CYP2C19: variants seen among roughly 807,000 people sequenced by gnomAD.
The protein encoded by CYP2C19 is cytochrome P450 family 2 subfamily C member 19, also known as cytochrome P450 2C19.
In CYP2C19, 59 loss-of-function variants were observed where a neutral mutation model predicts 40.9. The ratio of observed to expected loss-of-function variants is 1.44; its 90% CI spans 1.17 to 1.79. The LOEUF (loss-of-function observed/expected upper bound fraction) is 1.79, where lower values mean the gene tolerates loss of function less well. CYP2C19 is among the 40% of genes most tolerant of loss of function. The probability of loss-of-function intolerance (pLI) is 0.00; values close to 1 mark genes in which losing one functional copy is unlikely to be tolerated. For missense variants in CYP2C19, 754 were observed against 596.9 expected, an observed-to-expected ratio of 1.26 and a Z score of -2.74; for synonymous variants, 253 against 208.7, an observed-to-expected ratio of 1.21 and a Z score of -1.83.
intron 5 of CYP2C19, among the ~76,000 whole-genome samples, chr10:94,796,194 T>C (rs1053310669): frequency 6.6e-6 from 1 of 152,170 alleles, no homozygotes; most frequent in African/African-American, 2.4e-5. Flanking sequence ...AAGGAAGGGA[T>C]CCAGTTTCAG....
In CYP2C19 at chr10:94,854,735, TG is replaced by T. The variant is rs1849706744; in HGVS notation, c.*1824del. Among the ~76,000 whole-genome samples the T allele has an allele frequency of 6.6e-6, 1 of 152,144 alleles. No individual in the cohort carries two copies. Among genetic ancestry groups the T allele is most frequent in the Non-Finnish European group, 1.5e-5 (1 of 68,036 alleles). On this transcript the variant is annotated 3_prime_UTR_variant, in exon 9 of 9. Transcript: ENST00000371321. ...AGGGTTAAATGTTTATTTACAATAT[TG>T]GGCTCATATCACACATCTTGTATTA...
intron 5 of CYP2C19, among the ~76,000 whole-genome samples, chr10:94,786,052 T>G (rs911270072): frequency 6.6e-6 from 1 of 152,170 alleles, no homozygotes; most frequent in East Asian, 1.9e-4. Flanking sequence ...CTTCCCCCTC[T>G]TTGGATGTCT....
At chr10:94,794,042 C>T (rs1005452147) in intron 5 of CYP2C19, among the ~76,000 whole-genome samples, 1 of 152,154 alleles carries the variant, frequency 6.6e-6, no homozygotes, top group Admixed American at 6.5e-5. Flanking sequence ...TGTTAACCTA[C>T]TCAAGCCTCA....
chr10:94,826,460 G>C (rs959483701), intron 6 of CYP2C19, among the ~76,000 whole-genome samples: 1 of 152,136 alleles, frequency 6.6e-6, no homozygotes, highest in African/African-American at 2.4e-5. Context: ...CACTCTGTTT[G>C]TCTATTGTTG....
At chr10:94,802,117 C>A (rs575616160) in intron 5 of CYP2C19, among the ~76,000 whole-genome samples, 1 of 148,450 alleles carries the variant, frequency 6.7e-6, no homozygotes, top group Non-Finnish European at 1.5e-5. Context: ...TTTTACAGGG[C>A]ACTGATTGGT....
At chr10:94,805,015 AT>A (rs1430549515) in intron 5 of CYP2C19, among the ~76,000 whole-genome samples, 4 of 151,882 alleles carry the variant, frequency 2.6e-5, no homozygotes, top group Admixed American at 1.3e-4. Flanking sequence ...CATGATCTGA[AT>A]TTTTCCTTTC....
chr10:94,842,681 G>A lies in CYP2C19; in HGVS notation c.962-156G>A, dbSNP rs111777439. Among the ~76,000 whole-genome samples, 474 of 152,124 alleles carry A rather than the reference G, an allele frequency of 3.1e-3. 3 individuals are homozygous for A. Among genetic ancestry groups the A allele is most frequent in the African/African-American group, 0.011 (450 of 41,486 alleles). ...ACAGTTACACATTTGTGCATCTGTA[G>A]CAGTCCTCTCTTTAAGTTACACATA... On this transcript the variant is annotated intron_variant, in intron 6 of 8. Transcript: ENST00000371321.
At chr10:94,829,228 A>T (rs1278959605) in intron 6 of CYP2C19, among the ~76,000 whole-genome samples, 1 of 152,188 alleles carries the variant, frequency 6.6e-6, no homozygotes, top group East Asian at 1.9e-4. Flanking sequence ...TAGATTGGGG[A>T]AGTTCTCCTG....
chr10:94,825,929 G>T (rs1389665599), intron 6 of CYP2C19, among the ~76,000 whole-genome samples: 9 of 151,798 alleles, frequency 5.9e-5, no homozygotes, highest in East Asian at 1.9e-4. Context: ...TTTCTCCATT[G>T]CTTGTTTTTC....
chr10:94,845,521 T>C (rs796094904), intron 7 of CYP2C19, among the ~76,000 whole-genome samples: 3 of 152,320 alleles, frequency 2.0e-5, no homozygotes, highest in Non-Finnish European at 2.9e-5. Flanking sequence ...CTCGATTGAT[T>C]TGTGTCCTAT....
At chr10:94,835,095 C>A (rs191188240) in intron 6 of CYP2C19, among the ~76,000 whole-genome samples, 4 of 152,254 alleles carry the variant, frequency 2.6e-5, no homozygotes. Context: ...CCATGGACTG[C>A]ATCTGGGGCT....
intron 6 of CYP2C19, among the ~76,000 whole-genome samples, chr10:94,835,328 A>G (rs1849385936): frequency 1.3e-5 from 2 of 152,262 alleles, no homozygotes; most frequent in South Asian, 2.1e-4. Flanking sequence ...AGGTTTGGTG[A>G]AGGGTTTTAA....
chr10:94,820,423 G>A lies in CYP2C19; in HGVS notation c.820-73G>A, dbSNP rs901026975. 3 of 1,542,282 alleles carry A rather than the reference G, an allele frequency of 1.9e-6. No homozygotes were observed. The Admixed American group carries it at 5.0e-5, about 26-fold the overall frequency. On this transcript the variant is annotated intron_variant, in intron 5 of 8. Transcript: ENST00000371321. ...CTATGTTGGTAAGTATACAATGTGA[G>A]TAATTTTGAATTTACTGTCATCAAA...
At chr10:94,842,315 C>T (rs1266993506) in intron 6 of CYP2C19, among the ~76,000 whole-genome samples, 2 of 147,220 alleles carry the variant, frequency 1.4e-5, no homozygotes, top group Non-Finnish European at 3.0e-5. Context: ...AACTCTTCCT[C>T]TTTTTTTTAT....
At chr10:94,798,235 C>A (rs1265491726) in intron 5 of CYP2C19, among the ~76,000 whole-genome samples, 1 of 152,224 alleles carries the variant, frequency 6.6e-6, no homozygotes, top group Admixed American at 6.5e-5. Flanking sequence ...TTTCTTCCTT[C>A]ATTTCGTTAT....
At chr10:94,848,781 G>A (rs1029391015) in intron 7 of CYP2C19, among the ~76,000 whole-genome samples, 1 of 152,124 alleles carries the variant, frequency 6.6e-6, no homozygotes, top group African/African-American at 2.4e-5. Flanking sequence ...TCTCCTTAAA[G>A]AGATCCTTCA....
Position 94,853,009 on chromosome 10 carries a change from T to C in CYP2C19, c.*95T>C, listed in dbSNP as rs1849679299. On this transcript the variant is annotated 3_prime_UTR_variant, in exon 9 of 9. Coordinates refer to ENST00000371321, the MANE Select transcript of CYP2C19 (RefSeq NM_000769.4). ...TATCTGTGATGCTTCTTCTGACCCG[T>C]CATCTCACATTTTCCCTTCCCCCAA... The C allele has an allele frequency of 7.5e-7, 1 of 1,341,248 alleles. No individual in the cohort carries two copies. 83.1% of individuals were successfully genotyped at this position (1,341,248 alleles called of 1,614,324 possible). A position where few individuals can be genotyped will look rare whatever the true frequency, so the allele number is the denominator to read the frequency against.
chr10:94,791,331 T>C (rs1848602760), intron 5 of CYP2C19, among the ~76,000 whole-genome samples: 1 of 152,148 alleles, frequency 6.6e-6, no homozygotes, highest in Admixed American at 6.5e-5. Flanking sequence ...CCTGGATTCA[T>C]TAACTTTTTG....
At chr10:94,824,802 C>T (rs1438949962) in intron 6 of CYP2C19, among the ~76,000 whole-genome samples, 2 of 117,292 alleles carry the variant, frequency 1.7e-5, no homozygotes, top group Admixed American at 9.7e-5. Context: ...GCTATCCCTC[C>T]CCCCTCCCCC....
Sources: allele counts gnomAD v4.1 joint callset (sites outside exome capture counted in the v4.1 genomes callset), GRCh38; gene constraint gnomAD v4.1.1; transcripts MANE v1.5; gene names NCBI Gene and HGNC (gene_info 2026-07-23, HGNC 2026-07-21).